The following THEMIS variants were observed in gnomAD, a reference collection of about 807,000 sequenced individuals.
The protein encoded by THEMIS is thymocyte selection associated.
In THEMIS, 37 loss-of-function variants were observed where a neutral mutation model predicts 52.6. The observed-to-expected ratio is 0.70, with a 90% CI of 0.54 to 0.93. The LOEUF is 0.93. Ranked by LOEUF, THEMIS falls within the 40% of genes least tolerant of loss-of-function variation. THEMIS has a pLI of 0.00. For synonymous variants in THEMIS, 292 were observed against 272.7 expected, an observed-to-expected ratio of 1.07 and a Z score of -0.70; for missense variants, 808 against 763.1, an observed-to-expected ratio of 1.06 and a Z score of -0.69.
At position 127,750,406 on chromosome 6, in the gene THEMIS, C is replaced by T. The variant is rs9491864; in HGVS notation, c.1759-30583G>A. Among the ~76,000 whole-genome samples the T allele has an allele frequency of 1.5e-3, 229 of 151,512 alleles. 1 individual carries two copies. The highest frequency in any genetic ancestry group is 4.9e-3 in the African/African-American group (204 of 41,376). ...TGATTTCATTTATTTTTATACATAT[C>T]TCATACAATATGTTGTATGATCAAT... On this transcript the variant is annotated intron_variant, in intron 4 of 5. Transcript: ENST00000368248.
intron 5 of THEMIS, among the ~76,000 whole-genome samples, chr6:127,714,090 G>A (rs1774075787): frequency 6.6e-6 from 1 of 151,836 alleles, no homozygotes; most frequent in South Asian, 2.1e-4. Flanking sequence ...CTGGTAGAGT[G>A]GTGTGATAAG....
chr6:127,745,154 C>A (rs1408658947), intron 4 of THEMIS, among the ~76,000 whole-genome samples: 1 of 151,918 alleles, frequency 6.6e-6, no homozygotes, highest in Non-Finnish European at 1.5e-5. Context: ...ACAAATCTAA[C>A]TTTGAGGACC....
intron 1 of THEMIS, among the ~76,000 whole-genome samples, chr6:127,879,906 G>C (rs991337294): frequency 7.2e-5 from 11 of 151,876 alleles, no homozygotes; most frequent in African/African-American, 2.7e-4. Context: ...CCCCCACCTC[G>C]GGCACCTGAT....
intron 4 of THEMIS, among the ~76,000 whole-genome samples, chr6:127,788,088 T>C (rs1440479250): frequency 6.6e-6 from 1 of 152,184 alleles, no homozygotes; most frequent in Non-Finnish European, 1.5e-5. Flanking sequence ...CACTTGGAGT[T>C]TGGCTGGCAC....
At chr6:127,723,491 T>G (rs996472686) in intron 4 of THEMIS, among the ~76,000 whole-genome samples, 2 of 152,004 alleles carry the variant, frequency 1.3e-5, no homozygotes, top group South Asian at 4.1e-4. Flanking sequence ...CTAGATAATT[T>G]CAGCAATCAT....
intron 1 of THEMIS, among the ~76,000 whole-genome samples, chr6:127,856,331 A>C (rs984844404): frequency 1.3e-5 from 2 of 152,006 alleles, no homozygotes; most frequent in African/African-American, 4.8e-5. Context: ...AGGTCATATC[A>C]GAGTCCCAAT....
chr6:127,891,569 G>T (rs1012459128), intron 1 of THEMIS, among the ~76,000 whole-genome samples: 2 of 144,472 alleles, frequency 1.4e-5, no homozygotes, highest in Non-Finnish European at 3.0e-5. Flanking sequence ...AAGAAACAAA[G>T]AAAAAGAAAG....
chr6:127,784,091 A>G (rs138946166), intron 4 of THEMIS, among the ~76,000 whole-genome samples: 7 of 152,328 alleles, frequency 4.6e-5, no homozygotes, highest in Non-Finnish European at 8.8e-5. Context: ...TTGCAGGGAC[A>G]TGGATGAAGC....
intron 4 of THEMIS, among the ~76,000 whole-genome samples, chr6:127,776,633 C>T (rs1776575672): frequency 6.6e-6 from 1 of 152,214 alleles, no homozygotes; most frequent in South Asian, 2.1e-4. Flanking sequence ...AGTTAAGCTG[C>T]TCCCAGATTC....
At chr6:127,772,036 G>A (rs1354516109) in intron 4 of THEMIS, among the ~76,000 whole-genome samples, 2 of 152,018 alleles carry the variant, frequency 1.3e-5, no homozygotes, top group Admixed American at 6.6e-5. Flanking sequence ...CTTTATTTCA[G>A]TATATTTAAA....
At chr6:127,867,201 T>C (rs964207650) in intron 1 of THEMIS, among the ~76,000 whole-genome samples, 2 of 152,038 alleles carry the variant, frequency 1.3e-5, no homozygotes, top group African/African-American at 4.8e-5. Flanking sequence ...CTCTATAATA[T>C]CAACTGATAT....
At chr6:127,794,988 A>G (rs368158873) in intron 4 of THEMIS, among the ~76,000 whole-genome samples, 6 of 152,234 alleles carry the variant, frequency 3.9e-5, no homozygotes, top group African/African-American at 1.4e-4. Context: ...TTGCAGAAAG[A>G]AAGACTTGAC....
chr6:127,907,337 A>ATTTTTTTTTTTTT lies in THEMIS; in HGVS notation c.-149-6269_-149-6257dup, dbSNP rs58472332. ...AATACCATTAGGGCATTAGGCTCGG[A>ATTTTTTTTTTTTT]TTTTTTTTTTTTTTTTTTTTTTTTT... is the stretch of plus-strand genomic sequence containing the variant. On this transcript the variant is annotated intron_variant, in intron 1 of 6. Transcript: ENST00000368250. Among the ~76,000 whole-genome samples the ATTTTTTTTTTTTT allele has an allele frequency of 9.1e-3, 452 of 49,450 alleles. 116 individuals are homozygous for ATTTTTTTTTTTTT. The highest frequency in any genetic ancestry group is 0.011 in the Non-Finnish European group (304 of 26,668). The allele number at this position is 49,450 out of a possible 152,430, so 32.4% of individuals were successfully genotyped here. A position where few individuals can be genotyped will look rare whatever the true frequency, so the allele number is the denominator to read the frequency against.
chr6:127,861,523 C>T (rs1391972746), intron 1 of THEMIS, among the ~76,000 whole-genome samples: 1 of 151,966 alleles, frequency 6.6e-6, no homozygotes, highest in Non-Finnish European at 1.5e-5. Context: ...GTGGCTCACG[C>T]CTGTAAGCCC....
At chr6:127,788,141 T>C (rs919375703) in intron 4 of THEMIS, among the ~76,000 whole-genome samples, 3 of 152,200 alleles carry the variant, frequency 2.0e-5, no homozygotes, top group Admixed American at 2.0e-4. Flanking sequence ...TCTTTTATTT[T>C]GCGATGTTAG....
intron 4 of THEMIS, among the ~76,000 whole-genome samples, chr6:127,770,558 C>T (rs1207580420): frequency 3.3e-5 from 5 of 152,078 alleles, no homozygotes; most frequent in African/African-American, 4.8e-5. Context: ...CAAAAATTTT[C>T]TCCCATTCTG....
In THEMIS at chr6:127,747,400, A is replaced by G. The variant is rs1238544665; in HGVS notation, c.1759-27577T>C. Among the ~76,000 whole-genome samples the G allele has an allele frequency of 3.4e-5, 5 of 146,466 alleles. No homozygotes were observed. The South Asian group carries it at 6.4e-4, about 19-fold the overall frequency. ...TATATATTATAGATATAGATTTATCATATATTATAGATGTAGATATGAATT... is the reference window on the plus strand; with the variant it reads ...TATATATTATAGATATAGATTTATCGTATATTATAGATGTAGATATGAATT... On this transcript the variant is annotated intron_variant, in intron 4 of 5. Coordinates refer to ENST00000368248, the MANE Select transcript of THEMIS (RefSeq NM_001010923.3).
Position 127,743,656 on chromosome 6 carries a change from T to C in THEMIS, c.1759-23833A>G, listed in dbSNP as rs111687098. 9.6e-3 allele frequency among the ~76,000 whole-genome samples: 1,468 copies of C among 152,246 alleles called. 24 individuals carry two copies. Among genetic ancestry groups the C allele is most frequent in the African/African-American group, 0.034 (1,400 of 41,556 alleles). On this transcript the variant is annotated intron_variant, in intron 4 of 5. Transcript: ENST00000368248. ...TTCAAACAAAACTATAGACATCTTA[T>C]TGTGCCCCCAGGCTGCTTCACATAT... is the stretch of plus-strand genomic sequence containing the variant.
intron 1 of THEMIS, among the ~76,000 whole-genome samples, chr6:127,860,730 A>T (rs1318238526): frequency 2.0e-5 from 3 of 152,196 alleles, no homozygotes; most frequent in African/African-American, 7.2e-5. Flanking sequence ...ACCAAAACCC[A>T]GAAAAGAACA....
Sources: gnomAD v4.1 joint callset for allele counts (sites outside exome capture counted in the v4.1 genomes callset) on GRCh38, gnomAD v4.1.1 for gene constraint, MANE v1.5 for transcripts, NCBI Gene and HGNC (gene_info 2026-07-23, HGNC 2026-07-21) for gene names.